SLC25A35: variants seen among roughly 807,000 people sequenced by gnomAD.
SLC25A35 encodes solute carrier family 25 member 35.
In SLC25A35, 32 loss-of-function variants were observed where a neutral mutation model predicts 30.5. The ratio of observed to expected loss-of-function variants is 1.05; its 90% CI spans 0.79 to 1.41. The LOEUF (loss-of-function observed/expected upper bound fraction) is 1.41. SLC25A35 is among the 40% of genes most tolerant of loss of function. The pLI, the probability that SLC25A35 is intolerant of heterozygous loss-of-function variation, is 0.00. For missense variants in SLC25A35, 369 were observed against 388.0 expected (o/e 0.95, Z 0.41); for synonymous variants, 142 against 158.1 (o/e 0.90, Z 0.77).
At chr17:8,288,671 G>A, downstream of SLC25A35, 5 of 1,169,994 alleles carry the variant, frequency 4.3e-6, no homozygotes, top group Non-Finnish European at 6.4e-6. Flanking sequence ...AAAGGATCCG[G>A]GAGCTAAGCC....
rs565093130 is a variant in SLC25A35, at chr17:8,292,560, G to A, written c.404C>T (p.Ala135Val). ...CTGGTGCCCTACAGCAATTTCTGAG[G>A]CTGCCTGTGCCTGCAGGTGTGTCTT... ...MVKTHLQAQAASEIAVGHQYK... is the reference protein window; with the variant it reads ...MVKTHLQAQAVSEIAVGHQYK... The change falls in exon 2 of 5, where the codon GCC (alanine) becomes GTC (valine). Residue 135 changes from alanine (A) to valine (V), a missense_variant. By Grantham distance (64) the Ala-to-Val change is moderately conservative (BLOSUM62 0). Coordinates refer to ENST00000577745, the MANE Select transcript of SLC25A35 (RefSeq NM_001320870.2). 6.2e-6 allele frequency: 10 copies of A among 1,614,048 alleles called. No individual in the cohort carries two copies. The South Asian group carries it at 1.1e-4, about 18-fold the overall frequency.
At chr17:8,289,300 T>C, downstream of SLC25A35, 1 of 1,614,066 alleles carries the variant, frequency 6.2e-7, no homozygotes, top group Non-Finnish European at 8.5e-7. Flanking sequence ...GGGCTAGGGC[T>C]GTCCATGTGG....
intron 1 of SLC25A35, 66 bp downstream of exon 1, chr17:8,294,367 A>G: frequency 6.7e-7 from 1 of 1,487,180 alleles, no homozygotes; most frequent in Non-Finnish European, 8.9e-7. Context: ...GCCCTTGGGA[A>G]AGAACAGCTC....
At position 8,294,922 on chromosome 17, in the gene SLC25A35, A is replaced by G. The variant is rs1052051337; in HGVS notation, c.-115T>C. The G allele has an allele frequency of 6.8e-6, 10 of 1,476,126 alleles. No homozygotes were observed. The Admixed American group carries it at 1.5e-4, about 22-fold the overall frequency. 91.4% of individuals were successfully genotyped at this position (1,476,126 alleles called of 1,614,324 possible). ...GTTTCAGCAGTACAGGTTGCAGAAG[A>G]TAAGAATTTAGATTTGCAGTCAAGG... On this transcript the variant is annotated 5_prime_UTR_variant, in exon 1 of 5. Transcript: ENST00000577745.
chr17:8,291,636 G>T (rs1210197860), intron 2 of SLC25A35, 151 bp from the exon 3 acceptor site: 4 of 1,174,410 alleles, frequency 3.4e-6, no homozygotes, highest in Non-Finnish European at 4.7e-6. Flanking sequence ...GCCCTTGGTT[G>T]TCTAGCCACC....
rs986643736 is a variant in SLC25A35 at position 8,294,341 on chromosome 17, G to A, written c.375+92C>T. 3.0e-5 allele frequency: 42 copies of A among 1,387,702 alleles called. 1 individual carries two copies. The South Asian group carries it at 5.6e-4, about 19-fold the overall frequency. The allele number at this position is 1,387,702 out of a possible 1,614,324, so 86.0% of individuals were successfully genotyped here. On this transcript the variant is annotated intron_variant, in intron 1 of 4. Coordinates refer to ENST00000577745, the MANE Select transcript of SLC25A35 (RefSeq NM_001320870.2). ...GCCTTTCCCTGCTTGCAGTGGGGCA[G>A]CACTCTGCCACCTATGCCCTTGGGA... is the stretch of plus-strand genomic sequence containing the variant.
At chr17:8,293,303 T>A (rs1157366111) in intron 1 of SLC25A35, among the ~76,000 whole-genome samples, 1 of 152,156 alleles carries the variant, frequency 6.6e-6, no homozygotes, top group African/African-American at 2.4e-5. Context: ...TCCTGATCCC[T>A]AGACTCTCTG....
At chr17:8,289,189 T>G, downstream of SLC25A35, 1 of 1,603,896 alleles carries the variant, frequency 6.2e-7, no homozygotes, top group Non-Finnish European at 8.5e-7. Context: ...GAGCCAGGCC[T>G]GCAACTTAAA....
In SLC25A35 at chr17:8,290,308, A is replaced by C. The variant is rs1368299263; in HGVS notation, c.*197T>G. The C allele has an allele frequency of 7.0e-7, 1 of 1,429,784 alleles. No homozygotes were observed. The highest frequency in any genetic ancestry group is 9.1e-7 in the Non-Finnish European group (1 of 1,097,500). The allele number at this position is 1,429,784 out of a possible 1,614,324, so 88.6% of individuals were successfully genotyped here. A position where few individuals can be genotyped will look rare whatever the true frequency, so the allele number is the denominator to read the frequency against. Reference sequence around the variant, plus strand: ...GAGTTACCCAGGGAATGGGTAGGGAAGGTTTAAAGCAACACCCAAGGAAAG... The same window carrying C: ...GAGTTACCCAGGGAATGGGTAGGGACGGTTTAAAGCAACACCCAAGGAAAG... On this transcript the variant is annotated 3_prime_UTR_variant, in exon 5 of 5. Coordinates refer to ENST00000577745, the MANE Select transcript of SLC25A35 (RefSeq NM_001320870.2).
Position 8,290,666 on chromosome 17 carries a change from G to C in SLC25A35, c.742C>G (p.Arg248Gly). Residue 248 changes from arginine (R) to glycine (G), a missense_variant, in exon 5 of 5, where the codon CGG becomes GGG. Physicochemically the swap from Arg to Gly is moderately radical, Grantham distance 125. Coordinates refer to ENST00000577745, the MANE Select transcript of SLC25A35 (RefSeq NM_001320870.2). ...TDAQGKGLMY[R>G]GILDALLQTA... ...TGCAGCAGAGCGTCCAGTATCCCCC[G>C]GTACATGAGGCCCTGAGAGTGTGTC... is the stretch of plus-strand genomic sequence containing the variant. 6.4e-7 allele frequency: 1 copy of C among 1,572,938 alleles called. No homozygotes were observed. The highest frequency in any genetic ancestry group is 8.6e-7 in the Non-Finnish European group (1 of 1,165,750).
chr17:8,293,827 T>C (rs1351395906), intron 1 of SLC25A35, among the ~76,000 whole-genome samples: 1 of 146,690 alleles, frequency 6.8e-6, no homozygotes, highest in Non-Finnish European at 1.5e-5. Flanking sequence ...CTGGGATTAC[T>C]GGCGTGAGCC....
rs761522656 is a variant in SLC25A35, at chr17:8,290,694, A to G, written c.730-16T>C. ...ACATGAGGCCCTGAGAGTGTGTCAG[A>G]GAGGGAGGGAGAGCACAGAGAAGGA... On this transcript the variant is annotated splice_polypyrimidine_tract_variant and intron_variant, in intron 4 of 4. Transcript: ENST00000577745. The G allele has an allele frequency of 3.1e-6, 5 of 1,596,932 alleles. No individual in the cohort carries two copies. The African/African-American group carries it at 6.7e-5, about 21-fold the overall frequency.
chr17:8,288,507 T>G (rs749794201), downstream of SLC25A35: 29 of 532,328 alleles, frequency 5.4e-5, no homozygotes, highest in Middle Eastern at 5.0e-4. Context: ...GGGGGCGACA[T>G]AGACCCTAAC....
downstream of SLC25A35, chr17:8,288,471 C>T (rs1000293054): frequency 2.9e-5 from 13 of 455,822 alleles, no homozygotes; most frequent in Non-Finnish European, 5.3e-5. Flanking sequence ...CAAGAGGAGG[C>T]TGGCGGGAGC....
In SLC25A35 at chr17:8,294,884, A is replaced by G. The variant is rs1990762498; in HGVS notation, c.-77T>C. On this transcript the variant is annotated 5_prime_UTR_variant, in exon 1 of 5. Transcript: ENST00000577745. ...GTGTCAGAAAGCGGGGTTGGAAGAC[A>G]GGGGGAAGGCCTGTTTCAGCAGTAC... 1 of 1,510,412 alleles carries G rather than the reference A, an allele frequency of 6.6e-7. No homozygotes were observed. The highest frequency in any genetic ancestry group is 8.8e-7 in the Non-Finnish European group (1 of 1,133,458). 93.6% of individuals were successfully genotyped at this position (1,510,412 alleles called of 1,614,324 possible).
chr17:8,290,998 G>A (rs1037665677), intron 3 of SLC25A35, 22 bp from the exon 4 acceptor site: 1 of 1,613,628 alleles, frequency 6.2e-7, no homozygotes, highest in Non-Finnish European at 8.5e-7. Flanking sequence ...GAGAGGAAGA[G>A]CGTTGTCAAC....
chr17:8,294,783 C>A lies in SLC25A35; in HGVS notation c.25G>T (p.Ala9Ser). ...GTGAATACACAGGCCCCGCAGGCTG[C>A]CAGGCCACTCATCAAGAAGTCCATG... MDFLMSGL[A>S]ACGACVFTNP... Residue 9 changes from alanine (A) to serine (S), a missense_variant, in exon 1 of 5, where the codon GCA becomes TCA. Coordinates refer to ENST00000577745, the MANE Select transcript of SLC25A35 (RefSeq NM_001320870.2). 1 of 1,590,622 alleles carries A rather than the reference C, an allele frequency of 6.3e-7. No homozygotes were observed. Among genetic ancestry groups the A allele is most frequent in the Non-Finnish European group, 8.6e-7 (1 of 1,165,456 alleles).
chr17:8,289,567 T>G, downstream of SLC25A35: 1 of 1,613,374 alleles, frequency 6.2e-7, no homozygotes, highest in Non-Finnish European at 8.5e-7. Context: ...ACTGATCTCT[T>G]GCTTACCTTC....
chr17:8,289,364 G>A, downstream of SLC25A35: 3 of 1,614,170 alleles, frequency 1.9e-6, no homozygotes, highest in Admixed American at 3.3e-5. Context: ...CCGCTGTCAA[G>A]AAGCCTGGGT....
Sources: gnomAD v4.1 joint callset for allele counts (sites outside exome capture counted in the v4.1 genomes callset) on GRCh38, gnomAD v4.1.1 for gene constraint, MANE v1.5 for transcripts, NCBI Gene and HGNC (gene_info 2026-07-23, HGNC 2026-07-21) for gene names.